USP45: variants seen among roughly 807,000 people sequenced by gnomAD.
USP45 encodes ubiquitin carboxyl-terminal hydrolase 45.
Under a neutral mutation model 95.8 loss-of-function variants are expected in USP45, and 89 were observed. The observed-to-expected ratio is 0.93, with a 90% CI of 0.78 to 1.11. The LOEUF (loss-of-function observed/expected upper bound fraction) is 1.11. Ranked by LOEUF, USP45 falls within the 50% of genes least tolerant of loss-of-function variation. The pLI, the probability that USP45 is intolerant of heterozygous loss-of-function variation, is 0.00. For missense variants in USP45, 898 were observed against 942.5 expected, an observed-to-expected ratio of 0.95 and a Z score of 0.62; for synonymous variants, 281 against 316.2, an observed-to-expected ratio of 0.89 and a Z score of 1.18.
intron 5 of USP45, among the ~76,000 whole-genome samples, chr6:99,494,619 G>T (rs1310554402): frequency 2.0e-5 from 3 of 152,166 alleles, no homozygotes; most frequent in Non-Finnish European, 4.4e-5. Flanking sequence ...TCAAGGCTGG[G>T]TGTGATGGCT....
chr6:99,435,950 A>T (rs966862729), intron 17 of USP45, 104 bp from the exon 18 acceptor site: 5 of 1,197,338 alleles, frequency 4.2e-6, no homozygotes, highest in Non-Finnish European at 5.7e-6. Flanking sequence ...TCTAATGCCA[A>T]ATTTTACCTG....
At chr6:99,439,695 A>G (rs1582942038) in intron 16 of USP45, 74 bp downstream of exon 16, 2 of 1,059,862 alleles carry the variant, frequency 1.9e-6, no homozygotes, top group South Asian at 2.5e-5. Context: ...TAGAAAAAGC[A>G]TTGTCTAATA....
At chr6:99,474,815 T>C (rs1204132515) in intron 9 of USP45, among the ~76,000 whole-genome samples, 1 of 152,196 alleles carries the variant, frequency 6.6e-6, no homozygotes, top group Non-Finnish European at 1.5e-5. Context: ...ATATCCTTAA[T>C]ATCTTGCATT....
intron 13 of USP45, chr6:99,462,034 G>A: frequency 1.2e-5 from 12 of 984,928 alleles, no homozygotes; most frequent in Non-Finnish European, 1.4e-5. Flanking sequence ...TTCGCTTCTT[G>A]AATATAGTAC....
chr6:99,479,141 A>T (rs1220463729), intron 8 of USP45, among the ~76,000 whole-genome samples: 1 of 134,950 alleles, frequency 7.4e-6, no homozygotes, highest in Non-Finnish European at 1.6e-5. Flanking sequence ...ACATTGAATG[A>T]ATGTATGTAT....
At position 99,508,767 on chromosome 6, in the gene USP45, T is replaced by C. The variant is rs776232726; in HGVS notation, c.116A>G (p.Gln39Arg). 5.0e-6 allele frequency: 8 copies of C among 1,611,046 alleles called. No homozygotes were observed. Among genetic ancestry groups the C allele is most frequent in the South Asian group, 3.3e-5 (3 of 90,158 alleles). ...SDDIAVGLTC[Q>R]HVSHAISVNH... The stretch of plus-strand genomic sequence containing the variant: ...CACGCTGATAGCATGACTTACATGT[T>C]GGCAAGTTAAACCTACTGAATAAGA... The change falls in exon 3 of 18, where the codon CAA becomes CGA. Residue 39 changes from glutamine to arginine, a missense_variant. By Grantham distance (43) the Gln-to-Arg change is conservative. Coordinates refer to ENST00000500704, the MANE Select transcript of USP45 (RefSeq NM_001346022.3).
chr6:99,498,913 T>C (rs1796843127), intron 5 of USP45, among the ~76,000 whole-genome samples: 3 of 152,208 alleles, frequency 2.0e-5, no homozygotes, highest in Non-Finnish European at 4.4e-5. Flanking sequence ...TTTCTACAAA[T>C]GTTATTTGTG....
In USP45 at chr6:99,511,886, T is replaced by TGC. The variant is rs1554258041; in HGVS notation, c.-10-1657_-10-1656insGC. The stretch of plus-strand genomic sequence containing the variant: ...ATATATATATATATATATATATATA[T>TGC]ACACATAGTTGAACTATTTGAAAGT... On this transcript the variant is annotated intron_variant, in intron 1 of 17. Coordinates refer to ENST00000500704, the MANE Select transcript of USP45 (RefSeq NM_001346022.3). 4.6e-4 allele frequency among the ~76,000 whole-genome samples: 65 copies of TGC among 142,518 alleles called. 1 individual carries two copies. The highest frequency in any genetic ancestry group is 7.6e-4 in the Non-Finnish European group (50 of 65,880). 93.5% of individuals were successfully genotyped at this position (142,518 alleles called of 152,430 possible).
At chr6:99,479,491 G>A (rs1488097380) in intron 8 of USP45, among the ~76,000 whole-genome samples, 3 of 150,354 alleles carry the variant, frequency 2.0e-5, no homozygotes, top group Non-Finnish European at 2.9e-5. Context: ...ATGAGCCACT[G>A]TGTCTGGCCC....
At chr6:99,448,690 T>A (rs1783106061) in intron 13 of USP45, among the ~76,000 whole-genome samples, 1 of 152,002 alleles carries the variant, frequency 6.6e-6, no homozygotes, top group Non-Finnish European at 1.5e-5. Context: ...ACAAAGATAC[T>A]CCTTGAGAAG....
At chr6:99,488,887 T>C (rs1057466178) in intron 5 of USP45, 67 bp from the exon 6 acceptor site, 1 of 1,184,678 alleles carries the variant, frequency 8.4e-7, no homozygotes, top group Non-Finnish European at 1.1e-6. Context: ...ACATAATTTA[T>C]ATACATTATT....
intron 5 of USP45, among the ~76,000 whole-genome samples, chr6:99,495,594 C>A (rs1278088436): frequency 1.3e-5 from 2 of 152,102 alleles, no homozygotes; most frequent in African/African-American, 4.8e-5. Context: ...AGTCTAGCTT[C>A]AGAATTCACA....
At chr6:99,485,385 T>C (rs945827655) in intron 7 of USP45, among the ~76,000 whole-genome samples, 9 of 152,128 alleles carry the variant, frequency 5.9e-5, no homozygotes, top group African/African-American at 2.2e-4. Context: ...CACTTAAACT[T>C]TGAAAACAAA....
chr6:99,440,938 C>A (rs1781402045), intron 15 of USP45, among the ~76,000 whole-genome samples: 1 of 152,168 alleles, frequency 6.6e-6, no homozygotes, highest in Non-Finnish European at 1.5e-5. Flanking sequence ...CCCCATCATA[C>A]AAGAGACTGT....
rs567813025 is a variant in USP45, at chr6:99,452,318, C to T, written c.1309-5855G>A. 3.5e-3 allele frequency among the ~76,000 whole-genome samples: 526 copies of T among 152,070 alleles called. 2 individuals carry two copies. Among genetic ancestry groups the T allele is most frequent in the African/African-American group, 0.011 (440 of 41,504 alleles). On this transcript the variant is annotated intron_variant, in intron 13 of 17. Transcript: ENST00000500704. ...AAATATCCAGAATCTACAAAGAACT[C>T]AAACAAATTTACAAGAAAAAAACAA...
intron 16 of USP45, among the ~76,000 whole-genome samples, chr6:99,437,896 G>C (rs968758551): frequency 6.6e-6 from 1 of 152,106 alleles, no homozygotes; most frequent in African/African-American, 2.4e-5. Flanking sequence ...GACCTCAGGT[G>C]ATCCACCTGC....
At position 99,461,142 on chromosome 6, in the gene USP45, G is replaced by A. The variant is rs563020455; in HGVS notation, c.1308+3462C>T. ...TCTTTCATAAAACTAATATACTTAT[G>A]TGTTGAAGCAACTCAGAGAACTGAA... On this transcript the variant is annotated intron_variant, in intron 13 of 17. Coordinates refer to ENST00000500704, the MANE Select transcript of USP45 (RefSeq NM_001346022.3). 4 of 983,882 alleles carry A rather than the reference G, an allele frequency of 4.1e-6. No homozygotes were observed. In the Admixed American group the frequency reaches 2.5e-4, roughly 60 times the overall value. The allele number at this position is 983,882 out of a possible 1,614,324, so 60.9% of individuals were successfully genotyped here.
chr6:99,459,633 C>T (rs1785922871), intron 13 of USP45, among the ~76,000 whole-genome samples: 1 of 152,150 alleles, frequency 6.6e-6, no homozygotes, highest in Admixed American at 6.6e-5. Context: ...TCTCTGCAGC[C>T]TCGCCAGCAT....
At chr6:99,452,418 T>C (rs1452979065) in intron 13 of USP45, among the ~76,000 whole-genome samples, 2 of 151,914 alleles carry the variant, frequency 1.3e-5, no homozygotes, top group Non-Finnish European at 2.9e-5. Context: ...AACAGACACA[T>C]GAAAAAAATG....
Sources: gnomAD v4.1 joint callset for allele counts (sites outside exome capture counted in the v4.1 genomes callset) on GRCh38, gnomAD v4.1.1 for gene constraint, MANE v1.5 for transcripts, NCBI Gene and HGNC (gene_info 2026-07-23, HGNC 2026-07-21) for gene names.